The following AKAP7 variants were observed in gnomAD, a reference collection of about 807,000 sequenced individuals.
AKAP7 encodes the protein A-kinase anchoring protein 7.
AKAP7 carries 39 observed loss-of-function variants against 39.5 expected under a neutral mutation model. The observed-to-expected ratio is 0.99, with a 90% CI of 0.76 to 1.29. The LOEUF (loss-of-function observed/expected upper bound fraction) is 1.29. Among genes scored for constraint, AKAP7 ranks in the 50% most tolerant of loss-of-function variants. The pLI, the probability that AKAP7 is intolerant of heterozygous loss-of-function variation, is 0.00. For synonymous variants in AKAP7, 140 were observed against 139.1 expected, an observed-to-expected ratio of 1.01 and a Z score of -0.05; for missense variants, 414 against 407.7, an observed-to-expected ratio of 1.02 and a Z score of -0.13.
intron 5 of AKAP7, among the ~76,000 whole-genome samples, chr6:131,194,793 T>G (rs1028821127): frequency 1.3e-5 from 2 of 152,160 alleles, no homozygotes; most frequent in African/African-American, 2.4e-5. Flanking sequence ...ACAATGACCT[T>G]CTTTGCCTCT....
At chr6:131,273,301 T>A (rs1232146235) in intron 7 of AKAP7, among the ~76,000 whole-genome samples, 1 of 152,164 alleles carries the variant, frequency 6.6e-6, no homozygotes, top group Non-Finnish European at 1.5e-5. Context: ...CATTGGAGTG[T>A]CTAGGCCATC....
intron 5 of AKAP7, chr6:131,184,475 A>G: frequency 1.5e-6 from 1 of 668,022 alleles, no homozygotes; most frequent in Non-Finnish European, 2.8e-6. Flanking sequence ...ACAAAAGCCC[A>G]GCTGGTCATC....
chr6:131,184,979 G>A (rs1805685986), intron 5 of AKAP7: 3 of 769,272 alleles, frequency 3.9e-6, no homozygotes, highest in Non-Finnish European at 7.3e-6. Context: ...CATCTTCACA[G>A]TACTCATCAT....
intron 7 of AKAP7, among the ~76,000 whole-genome samples, chr6:131,244,013 C>T (rs6916881): frequency 0.3 from 43,378 of 146,012 alleles, 6,569 homozygotes; most frequent in Middle Eastern, 0.39. Flanking sequence ...TTTTTTTTTT[C>T]CAAATAAGGT....
intron 5 of AKAP7, among the ~76,000 whole-genome samples, chr6:131,175,632 A>G (rs377703128): frequency 6.6e-6 from 1 of 152,188 alleles, no homozygotes; most frequent in Non-Finnish European, 1.5e-5. Context: ...ATGCTACTCC[A>G]TAATATTTTA....
intron 7 of AKAP7, among the ~76,000 whole-genome samples, chr6:131,263,448 G>C (rs1330176143): frequency 6.6e-6 from 1 of 152,160 alleles, no homozygotes; most frequent in African/African-American, 2.4e-5. Flanking sequence ...TATGAAATTT[G>C]AGGAAAGGTA....
intron 7 of AKAP7, chr6:131,242,089 C>T: frequency 1.0e-6 from 1 of 983,110 alleles, no homozygotes. Flanking sequence ...TATAAAATGC[C>T]TAAGGGACTG....
intron 6 of AKAP7, among the ~76,000 whole-genome samples, chr6:131,218,921 A>G (rs1202457415): frequency 6.6e-6 from 1 of 152,152 alleles, no homozygotes; most frequent in Non-Finnish European, 1.5e-5. Flanking sequence ...TTAAGATCCA[A>G]CTTACTTTTT....
chr6:131,280,878 A>C (rs1177497034), intron 7 of AKAP7, among the ~76,000 whole-genome samples: 1 of 152,226 alleles, frequency 6.6e-6, no homozygotes, highest in Non-Finnish European at 1.5e-5. Flanking sequence ...TGACCATAAA[A>C]TATTTACATC....
At chr6:131,261,875 G>T (rs866039783) in intron 7 of AKAP7, among the ~76,000 whole-genome samples, 1 of 152,096 alleles carries the variant, frequency 6.6e-6, no homozygotes, top group South Asian at 2.1e-4. Context: ...AGAATTTAAC[G>T]TAGGGAATTA....
rs111320335 is a variant in AKAP7, at chr6:131,135,727, C to T, written c.-37C>T. The T allele has an allele frequency of 1.7e-6, 2 of 1,211,584 alleles. No homozygotes were observed. The highest frequency in any genetic ancestry group is 2.0e-6 in the Non-Finnish European group (2 of 977,142). 75.1% of individuals were successfully genotyped at this position (1,211,584 alleles called of 1,614,324 possible). On this transcript the variant is annotated 5_prime_UTR_variant, in exon 1 of 8. Transcript: ENST00000431975. ...GGACGCGGCCCGCCACCGCCGCTGC[C>T]GCCAGCCCAGACGCGCCGCCCGCAT...
rs888353051 is a variant in AKAP7, at chr6:131,241,607, G to GTATATATA, written c.850+21800_850+21801insATATATAT. Reference sequence around the variant, plus strand: ...TGTGTGTGTGTGTGTGTGTGTGTGTGTGTGTGTGTGTGTGTGTGTGTATAT... The same window carrying GTATATATA: ...TGTGTGTGTGTGTGTGTGTGTGTGTGTATATATATGTGTGTGTGTGTGTGTGTGTATAT... On this transcript the variant is annotated intron_variant, in intron 7 of 7. Coordinates refer to ENST00000431975, the MANE Select transcript of AKAP7 (RefSeq NM_016377.4). Among the ~76,000 whole-genome samples the GTATATATA allele has an allele frequency of 1.8e-4, 24 of 130,042 alleles. 2 individuals are homozygous for GTATATATA. Among genetic ancestry groups the GTATATATA allele is most frequent in the Middle Eastern group, 4.3e-3 (1 of 234 alleles). The allele number at this position is 130,042 out of a possible 152,430, so 85.3% of individuals were successfully genotyped here.
intron 7 of AKAP7, among the ~76,000 whole-genome samples, chr6:131,239,813 C>A (rs988073647): frequency 1.3e-5 from 2 of 152,068 alleles, no homozygotes; most frequent in Admixed American, 6.5e-5. Context: ...TTCGTCTAAT[C>A]TTTTTTCAAG....
chr6:131,139,474 T>TC (rs1286318049), intron 1 of AKAP7, among the ~76,000 whole-genome samples: 3 of 152,226 alleles, frequency 2.0e-5, no homozygotes, highest in Non-Finnish European at 4.4e-5. Context: ...ATTTTTATTT[T>TC]CATGTCAAAT....
chr6:131,259,273 A>G (rs908885731), intron 7 of AKAP7, among the ~76,000 whole-genome samples: 3 of 152,184 alleles, frequency 2.0e-5, no homozygotes, highest in African/African-American at 7.2e-5. Context: ...TGACTTGTTA[A>G]TCTCAGACTT....
chr6:131,132,704 C>A (rs1392316145), upstream of AKAP7, among the ~76,000 whole-genome samples: 1 of 152,134 alleles, frequency 6.6e-6, no homozygotes, highest in African/African-American at 2.4e-5. Flanking sequence ...ACTTGTACCT[C>A]TATCTCCTGT....
upstream of AKAP7, among the ~76,000 whole-genome samples, chr6:131,132,079 G>A (rs1384536045): frequency 2.0e-5 from 3 of 152,116 alleles, no homozygotes; most frequent in Non-Finnish European, 2.9e-5. Context: ...TTGGGAGGCC[G>A]AGGCGGGCGG....
At chr6:131,168,420 G>C (rs1803707872) in intron 4 of AKAP7, among the ~76,000 whole-genome samples, 1 of 150,750 alleles carries the variant, frequency 6.6e-6, no homozygotes, top group East Asian at 1.9e-4. Flanking sequence ...AAAAAGAAGA[G>C]AGAAAGAGAC....
chr6:131,192,178 G>A (rs1806475001), intron 5 of AKAP7, among the ~76,000 whole-genome samples: 3 of 152,086 alleles, frequency 2.0e-5, no homozygotes, highest in Admixed American at 6.5e-5. Context: ...CCAATGCCCT[G>A]GAGAGTTTCT....
Sources: allele counts gnomAD v4.1 joint callset (sites outside exome capture counted in the v4.1 genomes callset), GRCh38; gene constraint gnomAD v4.1.1; transcripts MANE v1.5; gene names NCBI Gene and HGNC (gene_info 2026-07-23, HGNC 2026-07-21).